GRIK4: variants seen among roughly 807,000 people sequenced by gnomAD.
GRIK4 encodes the protein glutamate ionotropic receptor kainate type subunit 4, also known as glutamate receptor ionotropic, kainate 4.
In GRIK4, 40 loss-of-function variants were observed where a neutral mutation model predicts 104.9. The ratio of observed to expected loss-of-function variants is 0.38; its 90% CI spans 0.30 to 0.50. The LOEUF is 0.50. Ranked by LOEUF, GRIK4 falls within the 20% of genes least tolerant of loss-of-function variation. The pLI, the probability that GRIK4 is intolerant of heterozygous loss-of-function variation, is 0.93. For missense variants in GRIK4, 1,047 were observed against 1,308.1 expected, an observed-to-expected ratio of 0.80 and a Z score of 3.08; for synonymous variants, 485 against 524.9, an observed-to-expected ratio of 0.92 and a Z score of 1.04.
At chr11:120,718,088 G>C (rs922887460) in intron 3 of GRIK4, among the ~76,000 whole-genome samples, 4 of 152,164 alleles carry the variant, frequency 2.6e-5, no homozygotes, top group Admixed American at 2.0e-4. Flanking sequence ...AAGTCCATTT[G>C]CTTGTTGCTT....
chr11:120,927,572 A>G (rs1235195208), intron 13 of GRIK4, among the ~76,000 whole-genome samples: 2 of 138,888 alleles, frequency 1.4e-5, no homozygotes, highest in African/African-American at 5.2e-5. Context: ...TCTCAAAAAA[A>G]AAAAAAAAAA....
chr11:120,927,581 AAAAAAAAAGAAAG>A (rs1295906401), intron 13 of GRIK4, among the ~76,000 whole-genome samples: 5 of 150,556 alleles, frequency 3.3e-5, no homozygotes, highest in Non-Finnish European at 5.9e-5. Flanking sequence ...AAAAAAAAAA[AAAAAAAAAGAAAG>A]AAAGAAAGAA....
intron 3 of GRIK4, among the ~76,000 whole-genome samples, chr11:120,702,660 G>C (rs1472104448): frequency 6.6e-6 from 1 of 152,136 alleles, no homozygotes; most frequent in Non-Finnish European, 1.5e-5. Context: ...TGGTCTCCTG[G>C]AAGCCAAGGG....
At chr11:120,733,282 T>C (rs1951169753) in intron 3 of GRIK4, among the ~76,000 whole-genome samples, 1 of 152,186 alleles carries the variant, frequency 6.6e-6, no homozygotes, top group Admixed American at 6.5e-5. Context: ...AAGCACTGTG[T>C]GTCTTTTTAT....
intron 1 of GRIK4, among the ~76,000 whole-genome samples, chr11:120,614,954 G>A (rs1244529676): frequency 1.3e-5 from 2 of 152,138 alleles, no homozygotes; most frequent in African/African-American, 2.4e-5. Flanking sequence ...AGCTGAGATC[G>A]CGCCACTGCA....
chr11:120,821,962 C>T (rs1953137765), intron 6 of GRIK4, among the ~76,000 whole-genome samples: 1 of 152,162 alleles, frequency 6.6e-6, no homozygotes, highest in African/African-American at 2.4e-5. Flanking sequence ...GTAATCCCAA[C>T]ACTTTGGAAG....
rs1952931769 is a variant in GRIK4, at chr11:120,815,478, G to A, written c.345+3G>A. 1 of 1,515,598 alleles carries A rather than the reference G, an allele frequency of 6.6e-7. No homozygotes were observed. The highest frequency in any genetic ancestry group is 2.0e-5 in the Admixed American group (1 of 50,198). 93.9% of individuals were successfully genotyped at this position (1,515,598 alleles called of 1,614,324 possible). On this transcript the variant is annotated splice_donor_region_variant and intron_variant, in intron 5 of 20. Transcript: ENST00000527524. ...GCAACATCTGTGGAGAGAAGGAGGTGAGTGTGAGGCAGGGCTGGGGAATAT... is the reference window on the plus strand; with the variant it reads ...GCAACATCTGTGGAGAGAAGGAGGTAAGTGTGAGGCAGGGCTGGGGAATAT...
Position 120,967,056 on chromosome 11 carries a change from C to T in GRIK4, c.2267-139C>T. 1.1e-6 allele frequency: 1 copy of T among 926,964 alleles called. No individual in the cohort carries two copies. The highest frequency in any genetic ancestry group is 1.6e-6 in the Non-Finnish European group (1 of 624,066). The allele number at this position is 926,964 out of a possible 1,614,324, so 57.4% of individuals were successfully genotyped here. The stretch of plus-strand genomic sequence containing the variant: ...GACAGCACTGGCCCCATGGGCTCGC[C>T]CCACCCGCTGCATCTGTCTGTCCCC... On this transcript the variant is annotated intron_variant, in intron 18 of 20. Transcript: ENST00000527524. The surrounding 1 kb of genome is among the most constrained non-coding windows in gnomAD (Gnocchi z 4.2).
chr11:120,659,907 T>G (rs1591777880), intron 2 of GRIK4, among the ~76,000 whole-genome samples: 2 of 152,212 alleles, frequency 1.3e-5, no homozygotes, highest in Non-Finnish European at 2.9e-5. Flanking sequence ...AATTTTTGTA[T>G]TTTTAGTAGA....
intron 1 of GRIK4, among the ~76,000 whole-genome samples, chr11:120,581,374 A>G (rs1213900613): frequency 6.6e-6 from 1 of 152,214 alleles, no homozygotes; most frequent in Non-Finnish European, 1.5e-5. Context: ...TCTTAGTTTG[A>G]TGGTCCAGAT....
chr11:120,853,863 C>A (rs1252250529), intron 8 of GRIK4, among the ~76,000 whole-genome samples: 3 of 152,200 alleles, frequency 2.0e-5, no homozygotes, highest in Admixed American at 2.0e-4. Flanking sequence ...TGCTTTGACA[C>A]CACCTCCTAG....
In GRIK4 at chr11:120,517,405, G is replaced by A. The variant is rs574957270; in HGVS notation, c.-159+5518G>A. Among the ~76,000 whole-genome samples, 2 of 148,850 alleles carry A rather than the reference G, an allele frequency of 1.3e-5. 1 individual carries two copies. Among genetic ancestry groups the A allele is most frequent in the South Asian group, 4.3e-4 (2 of 4,614 alleles). On this transcript the variant is annotated intron_variant, in intron 1 of 20. Coordinates refer to ENST00000527524, the MANE Select transcript of GRIK4 (RefSeq NM_014619.5). ...TCCTGTCCTCAGTGTCCAGCCTCTTGGTGCCCGCTTGTGTTGTCAAAGTGA... is the reference window on the plus strand; with the variant it reads ...TCCTGTCCTCAGTGTCCAGCCTCTTAGTGCCCGCTTGTGTTGTCAAAGTGA...
At chr11:120,588,295 G>A (rs2135107584) in intron 1 of GRIK4, among the ~76,000 whole-genome samples, 1 of 152,300 alleles carries the variant, frequency 6.6e-6, no homozygotes, top group Non-Finnish European at 1.5e-5. Flanking sequence ...TGTTCTTGAA[G>A]TGGGAGTTTT....
intron 3 of GRIK4, among the ~76,000 whole-genome samples, chr11:120,670,799 G>C (rs12362348): frequency 0.17 from 25,388 of 149,948 alleles, 2,350 homozygotes; most frequent in South Asian, 0.24. Context: ...GTGGTTTGCT[G>C]CACCCATCAA....
intron 2 of GRIK4, among the ~76,000 whole-genome samples, chr11:120,658,157 T>TC (rs1949743551): frequency 9.2e-6 from 1 of 108,124 alleles, no homozygotes; most frequent in African/African-American, 9.3e-5. Context: ...TGTACCAGTC[T>TC]TTTTTTTTGC....
chr11:120,836,857 C>T lies in GRIK4; in HGVS notation c.744+13C>T, dbSNP rs1229127468. On this transcript the variant is annotated intron_variant, in intron 8 of 20. Coordinates refer to ENST00000527524, the MANE Select transcript of GRIK4 (RefSeq NM_014619.5). ...CTTCACTAATCTGGTAAGATGTTCT[C>T]ACAGCTCACCTCCTTGGAAGAGAGT... is the stretch of plus-strand genomic sequence containing the variant. 4 of 1,507,604 alleles carry T rather than the reference C, an allele frequency of 2.7e-6. No homozygotes were observed. Among genetic ancestry groups the T allele is most frequent in the Admixed American group, 3.3e-5 (2 of 59,894 alleles). The allele number at this position is 1,507,604 out of a possible 1,614,324, so 93.4% of individuals were successfully genotyped here.
intron 3 of GRIK4, among the ~76,000 whole-genome samples, chr11:120,676,188 GT>G (rs1375429557): frequency 2.6e-5 from 4 of 152,154 alleles, no homozygotes; most frequent in Admixed American, 2.6e-4. Context: ...GCCAGTAATG[GT>G]GGGTTGAGTC....
At chr11:120,842,352 G>A (rs888799700) in intron 8 of GRIK4, among the ~76,000 whole-genome samples, 1 of 152,194 alleles carries the variant, frequency 6.6e-6, no homozygotes, top group African/African-American at 2.4e-5. Context: ...GGTCAGGCCT[G>A]GAAGTGACAC....
At chr11:120,687,886 ACTCT>A (rs1950299837) in intron 3 of GRIK4, among the ~76,000 whole-genome samples, 1 of 151,842 alleles carries the variant, frequency 6.6e-6, no homozygotes, top group Non-Finnish European at 1.5e-5. Flanking sequence ...GCCAGAAAAC[ACTCT>A]CTGCTTTATA....
Sources: gnomAD v4.1 joint callset for allele counts (sites outside exome capture counted in the v4.1 genomes callset) on GRCh38, gnomAD v4.1.1 for gene constraint, Gnocchi (gnomAD v3.1) non-coding constraint, MANE v1.5 for transcripts, NCBI Gene and HGNC (gene_info 2026-07-23, HGNC 2026-07-21) for gene names.